The following CMIP variants were observed in gnomAD, a reference collection of about 807,000 sequenced individuals.
CMIP encodes C-Maf-inducing protein.
In CMIP, 13 loss-of-function variants were observed where a neutral mutation model predicts 97.3. The observed-to-expected ratio is 0.13, with a 90% CI of 0.09 to 0.21. The LOEUF (loss-of-function observed/expected upper bound fraction) is 0.21, where lower values mean the gene tolerates loss of function less well. CMIP is among the 10% of genes least tolerant of loss of function. The pLI is 1.00. For missense variants in CMIP, 847 were observed against 1,024.9 expected (o/e 0.83, Z 2.37); for synonymous variants, 538 against 436.3 (o/e 1.23, Z -2.91).
At chr16:81,548,166 C>G (rs968873192) in intron 1 of CMIP, among the ~76,000 whole-genome samples, 5 of 145,764 alleles carry the variant, frequency 3.4e-5, no homozygotes, top group Non-Finnish European at 7.5e-5. Flanking sequence ...CAGGGTCTCC[C>G]TCTGTCCCTC....
chr16:81,621,126 T>C lies in CMIP; in HGVS notation c.477+200T>C. The C allele has an allele frequency of 3.5e-6, 2 of 566,606 alleles. No individual in the cohort carries two copies. The highest frequency in any genetic ancestry group is 6.3e-6 in the Non-Finnish European group (2 of 317,836). The allele number at this position is 566,606 out of a possible 1,614,324, so 35.1% of individuals were successfully genotyped here. On this transcript the variant is annotated intron_variant, in intron 3 of 20. Coordinates refer to ENST00000537098, the MANE Select transcript of CMIP (RefSeq NM_198390.3). The surrounding 1 kb of genome is among the most constrained non-coding windows in gnomAD (Gnocchi z 4.1). ...ATTCCTGTCCCCTGCAGTGCTGAAATAGCATTCTCGCCCTGGTGTTCTCAA... is the reference window on the plus strand; with the variant it reads ...ATTCCTGTCCCCTGCAGTGCTGAAACAGCATTCTCGCCCTGGTGTTCTCAA...
chr16:81,679,353 G>A (rs1004912827), intron 10 of CMIP, among the ~76,000 whole-genome samples: 3 of 152,106 alleles, frequency 2.0e-5, no homozygotes, highest in African/African-American at 7.2e-5. Flanking sequence ...GCATGCATGT[G>A]GGTGTAACCA....
intron 1 of CMIP, among the ~76,000 whole-genome samples, chr16:81,593,184 C>G (rs565584532): frequency 6.6e-6 from 1 of 152,188 alleles, no homozygotes; most frequent in Non-Finnish European, 1.5e-5. Context: ...TCCACAGAGC[C>G]CCAGGCACCA....
intron 1 of CMIP, among the ~76,000 whole-genome samples, chr16:81,479,511 TC>T (rs1248220687): frequency 6.6e-6 from 1 of 152,082 alleles, no homozygotes; most frequent in Non-Finnish European, 1.5e-5. Flanking sequence ...CTAGTCCCCC[TC>T]CCCCAGCCCC....
chr16:81,698,419 C>T (rs1158642592), intron 14 of CMIP, among the ~76,000 whole-genome samples: 3 of 152,160 alleles, frequency 2.0e-5, no homozygotes, highest in African/African-American at 7.2e-5. Context: ...AGGCAGTCTC[C>T]CAAAACACCC....
intron 1 of CMIP, among the ~76,000 whole-genome samples, chr16:81,525,959 A>G: frequency 6.7e-6 from 1 of 149,844 alleles, no homozygotes. Flanking sequence ...TTTTTTGTTT[A>G]AAGGTTGACT....
chr16:81,662,023 A>G (rs902234456), intron 6 of CMIP, among the ~76,000 whole-genome samples: 15 of 152,066 alleles, frequency 9.9e-5, no homozygotes, highest in African/African-American at 3.6e-4. Flanking sequence ...ACAGGTGTGG[A>G]TACACACAGG....
At chr16:81,491,926 G>C (rs941291619) in intron 1 of CMIP, among the ~76,000 whole-genome samples, 6 of 152,146 alleles carry the variant, frequency 3.9e-5, no homozygotes, top group Non-Finnish European at 7.3e-5. Context: ...TCTTCGCCGT[G>C]ATGGAAGCTT....
chr16:81,601,684 CA>C (rs1278634225), intron 1 of CMIP, among the ~76,000 whole-genome samples: 2 of 152,134 alleles, frequency 1.3e-5, no homozygotes, highest in African/African-American at 2.4e-5. Context: ...TCCCCGAGAG[CA>C]AAAAGACAAA....
chr16:81,558,313 T>C (rs1318826926), intron 1 of CMIP, among the ~76,000 whole-genome samples: 1 of 152,192 alleles, frequency 6.6e-6, no homozygotes, highest in Non-Finnish European at 1.5e-5. Flanking sequence ...TCTCGGCCGT[T>C]ACAGATAGTG....
chr16:81,694,923 G>C (rs568746810), intron 13 of CMIP, among the ~76,000 whole-genome samples: 1 of 152,342 alleles, frequency 6.6e-6, no homozygotes, highest in East Asian at 1.9e-4. Flanking sequence ...ACCAGTGAGT[G>C]TCTCCATTTT....
At chr16:81,479,537 C>G (rs1381676026) in intron 1 of CMIP, among the ~76,000 whole-genome samples, 1 of 152,096 alleles carries the variant, frequency 6.6e-6, no homozygotes, top group African/African-American at 2.4e-5. Context: ...AGCCACCATT[C>G]TCTCTTCATT....
At chr16:81,571,369 T>A (rs2091084612) in intron 1 of CMIP, among the ~76,000 whole-genome samples, 1 of 151,668 alleles carries the variant, frequency 6.6e-6, no homozygotes, top group African/African-American at 2.4e-5. Flanking sequence ...CTCAGGAGGC[T>A]GAGGTGAGAG....
intron 7 of CMIP, among the ~76,000 whole-genome samples, chr16:81,668,944 C>G (rs1224966226): frequency 6.8e-6 from 1 of 147,552 alleles, no homozygotes; most frequent in Admixed American, 6.7e-5. Flanking sequence ...CCACACCCAC[C>G]TCACACCTTC....
intron 1 of CMIP, among the ~76,000 whole-genome samples, chr16:81,448,168 C>G (rs1905979994): frequency 6.6e-6 from 1 of 152,230 alleles, no homozygotes; most frequent in Admixed American, 6.5e-5. Context: ...GAGTCATATC[C>G]TTACTTGAAA....
chr16:81,494,348 G>C (rs184457952), intron 1 of CMIP, among the ~76,000 whole-genome samples: 8 of 152,332 alleles, frequency 5.3e-5, no homozygotes, highest in East Asian at 3.9e-4. Flanking sequence ...GAGCAGATGC[G>C]GGGCTGAAGC....
chr16:81,562,833 C>G (rs978094551), intron 1 of CMIP, among the ~76,000 whole-genome samples: 2 of 152,186 alleles, frequency 1.3e-5, no homozygotes, highest in African/African-American at 2.4e-5. Flanking sequence ...GGTACACTTA[C>G]TTGCTCAAAG....
At chr16:81,477,351 G>A (rs565678216) in intron 1 of CMIP, among the ~76,000 whole-genome samples, 1 of 152,142 alleles carries the variant, frequency 6.6e-6, no homozygotes, top group Non-Finnish European at 1.5e-5. Context: ...AGTAGAGACA[G>A]GGTTTCACCA....
chr16:81,633,173 G>A (rs765519362), intron 3 of CMIP, among the ~76,000 whole-genome samples: 9 of 152,184 alleles, frequency 5.9e-5, no homozygotes, highest in Admixed American at 4.6e-4. Flanking sequence ...TTTTTAAAAC[G>A]TAAATGAGAG....
Sources: gnomAD v4.1 joint callset for allele counts (sites outside exome capture counted in the v4.1 genomes callset) on GRCh38, gnomAD v4.1.1 for gene constraint, Gnocchi (gnomAD v3.1) non-coding constraint, MANE v1.5 for transcripts, NCBI Gene and HGNC (gene_info 2026-07-23, HGNC 2026-07-21) for gene names.